The following SEC16B variants were observed in gnomAD, a reference collection of about 807,000 sequenced individuals.
The protein encoded by SEC16B is SEC16 homolog B, endoplasmic reticulum export factor, also known as protein transport protein Sec16B.
SEC16B carries 115 observed loss-of-function variants against 141.8 expected under a neutral mutation model. The ratio of observed to expected loss-of-function variants is 0.81; its 90% CI spans 0.70 to 0.95. The LOEUF (loss-of-function observed/expected upper bound fraction) is 0.95, where lower values mean the gene tolerates loss of function less well. SEC16B is among the 40% of genes least tolerant of loss of function. The pLI, the probability that SEC16B is intolerant of heterozygous loss-of-function variation, is 0.00. For synonymous variants in SEC16B, 493 were observed against 492.5 expected (o/e 1.00, Z -0.01); for missense variants, 1,291 against 1,312.3 (o/e 0.98, Z 0.25).
intron 20 of SEC16B, among the ~76,000 whole-genome samples, chr1:177,935,271 C>A (rs1020692956): frequency 1.4e-5 from 2 of 147,320 alleles, no homozygotes; most frequent in East Asian, 3.9e-4. Context: ...GTGCTGATGC[C>A]TCCCCAGCCC....
Position 177,932,494 on chromosome 1 carries a change from G to A in SEC16B, c.3008C>T (p.Pro1003Leu), listed in dbSNP as rs78192809. 6,586 of 1,542,582 alleles carry A rather than the reference G, an allele frequency of 4.3e-3. 20 individuals carry two copies. The highest frequency in any genetic ancestry group is 5.4e-3 in the Non-Finnish European group (6,146 of 1,143,056). Residue 1003 changes from proline (P) to leucine (L), a missense_variant, in exon 24 of 26, where the codon CCA becomes CTA. By Grantham distance (98) the Pro-to-Leu change is moderately conservative. Coordinates refer to ENST00000308284, the MANE Select transcript of SEC16B (RefSeq NM_033127.4). ...CAGCCCAGGGGGGCCGCTTACCTCT[G>A]GTCCAGACAAGCCTCCAACCCCAGC... ...AGAGVGGLSG[P>L]ESVSFELCSN...
At chr1:177,944,511 C>T in intron 15 of SEC16B, 50 bp downstream of exon 15, 1 of 1,441,608 alleles carries the variant, frequency 6.9e-7, no homozygotes, top group Non-Finnish European at 9.7e-7. Flanking sequence ...AATACAGCTG[C>T]CTGCAGCTGC....
In SEC16B at chr1:177,933,580, C is replaced by T. The variant is rs891949546; in HGVS notation, c.2628G>A (p.Lys876=). ...SISESSASSA[K]EDEKESSDEA... ...CATCAGAGGACTCCTTCTCATCCTC[C>T]TTGGCTGAACTGGCGGAACTCTCAG... The change falls in exon 21 of 26, where the codon AAG becomes AAA. Residue 876 remains lysine (K), a synonymous_variant. Transcript: ENST00000308284. The T allele has an allele frequency of 1.9e-6, 3 of 1,613,886 alleles. No individual in the cohort carries two copies. In the African/African-American group the frequency reaches 4.0e-5, roughly 22 times the overall value.
chr1:177,958,166 T>C lies in SEC16B; in HGVS notation c.1331A>G (p.Lys444Arg), dbSNP rs750903507. 5 of 1,554,796 alleles carry C rather than the reference T, an allele frequency of 3.2e-6. No homozygotes were observed. The South Asian group carries it at 5.0e-5, about 16-fold the overall frequency. Reference protein sequence around the residue: ...SVETPAQIVEKFTRLLYYGRK... With the variant: ...SVETPAQIVERFTRLLYYGRK... ...TCCATAGTAGAGCAGCCTAGTGAAT[T>C]TCTCCACGATCTGCGCAGGTGTCTC... Residue 444 changes from lysine (K) to arginine (R), a missense_variant, in exon 10 of 26, where the codon AAA (lysine) becomes AGA (arginine). Transcript: ENST00000308284.
At chr1:177,939,640 G>A (rs1651125418) in intron 18 of SEC16B, 62 bp downstream of exon 18, 1 of 1,343,104 alleles carries the variant, frequency 7.4e-7, no homozygotes, top group African/African-American at 1.4e-5. Flanking sequence ...AAATTACTTT[G>A]TCTCGTAGAA....
chr1:177,946,484 G>T lies in SEC16B; in HGVS notation c.1711C>A (p.His571Asn). The change falls in exon 14 of 26, where the codon CAC becomes AAC. Residue 571 changes from histidine (H) to asparagine (N), a missense_variant. Physicochemically the swap from His to Asn is moderately conservative, Grantham distance 68 (BLOSUM62 1). Coordinates refer to ENST00000308284, the MANE Select transcript of SEC16B (RefSeq NM_033127.4). The part of the protein sequence containing the change: ...EAAHFCYLMA[H>N]VPFGHYTVKT... Reference sequence around the variant, plus strand: ...ACGGTGTAGTGGCCAAAGGGCACGTGAGCCATGAGATAGCAGAAGTGAGCT... The same window carrying T: ...ACGGTGTAGTGGCCAAAGGGCACGTTAGCCATGAGATAGCAGAAGTGAGCT... 6.3e-7 allele frequency: 1 copy of T among 1,585,344 alleles called. No individual in the cohort carries two copies. Among genetic ancestry groups the T allele is most frequent in the East Asian group, 2.3e-5 (1 of 43,212 alleles).
At chr1:177,980,897 G>C (rs1654382749) in intron 1 of SEC16B, among the ~76,000 whole-genome samples, 1 of 152,094 alleles carries the variant, frequency 6.6e-6, no homozygotes, top group South Asian at 2.1e-4. Context: ...GAACAGACAT[G>C]ATGAGGGCTA....
intron 1 of SEC16B, among the ~76,000 whole-genome samples, chr1:177,977,964 A>C (rs1457317030): frequency 6.6e-6 from 1 of 152,216 alleles, no homozygotes; most frequent in Non-Finnish European, 1.5e-5. Flanking sequence ...CACCATAGAA[A>C]GTGCCTATTA....
rs761179675 is a variant in SEC16B, at chr1:177,958,225, C to T, written c.1272G>A (p.Pro424=). ...GGGGGATCTCTCCCGTGAGCAGGTT[C>T]GGGGTCCCAGAGCTCAGCACTGGCC... The part of the protein sequence containing the change: ...EDWPVLSSGT[P]NLLTGEIPPS... The change falls in exon 10 of 26, where the codon CCG becomes CCA. Residue 424 remains proline (P), a synonymous_variant. Coordinates refer to ENST00000308284, the MANE Select transcript of SEC16B (RefSeq NM_033127.4). 6.2e-6 allele frequency: 10 copies of T among 1,604,122 alleles called. No individual in the cohort carries two copies. Among genetic ancestry groups the T allele is most frequent in the Admixed American group, 5.1e-5 (3 of 59,182 alleles).
upstream of SEC16B, among the ~76,000 whole-genome samples, chr1:177,974,724 G>A (rs546026461): frequency 1.3e-5 from 2 of 152,290 alleles, no homozygotes; most frequent in East Asian, 3.9e-4. Context: ...ACTCTTTCCA[G>A]AACCCTAGAT....
intron 12 of SEC16B, among the ~76,000 whole-genome samples, chr1:177,951,066 G>GA (rs1652158909): frequency 6.7e-6 from 1 of 149,852 alleles, no homozygotes; most frequent in Admixed American, 6.7e-5. Flanking sequence ...GGCAAGAGAG[G>GA]AAAAAAGAGA....
At chr1:177,955,401 G>A (rs1435569234) in intron 10 of SEC16B, among the ~76,000 whole-genome samples, 1 of 152,138 alleles carries the variant, frequency 6.6e-6, no homozygotes, top group East Asian at 1.9e-4. Context: ...AGGTTGGAGT[G>A]CAGTGGCATG....
chr1:177,974,209 G>A (rs549882368), upstream of SEC16B, among the ~76,000 whole-genome samples: 1 of 152,208 alleles, frequency 6.6e-6, no homozygotes, highest in Admixed American at 6.5e-5. Context: ...CATGCTGAAT[G>A]TGAGGGGCCT....
chr1:177,977,847 C>T (rs1369491043), intron 1 of SEC16B, among the ~76,000 whole-genome samples: 3 of 152,042 alleles, frequency 2.0e-5, no homozygotes, highest in Non-Finnish European at 4.4e-5. Context: ...GGAAAAATCG[C>T]CTAATCTCTA....
intron 8 of SEC16B, 85 bp from the exon 9 acceptor site, chr1:177,959,060 G>T: frequency 7.1e-7 from 1 of 1,416,260 alleles, no homozygotes; most frequent in Non-Finnish European, 9.7e-7. Context: ...AAGTGTGCAA[G>T]TGCTGGCTGG....
chr1:177,940,681 C>A lies in SEC16B; in HGVS notation c.2056G>T (p.Val686Phe). The A allele has an allele frequency of 6.2e-7, 1 of 1,613,824 alleles. No individual in the cohort carries two copies. The highest frequency in any genetic ancestry group is 8.5e-7 in the Non-Finnish European group (1 of 1,179,828). Reference sequence around the variant, plus strand: ...CTGTCTCCACTGCGTCTTTCTAAAACCAGAGGATCTGACAGCTTCAGTTTC... The same window carrying A: ...CTGTCTCCACTGCGTCTTTCTAAAAACAGAGGATCTGACAGCTTCAGTTTC... ...AEKLKLSDPLVLERRSGDRDL... is the reference protein window; with the variant it reads ...AEKLKLSDPLFLERRSGDRDL... The change falls in exon 17 of 26, where the codon GTT (valine) becomes TTT (phenylalanine). Residue 686 changes from valine to phenylalanine, a missense_variant. Physicochemically the swap from Val to Phe is conservative, Grantham distance 50 (BLOSUM62 -1). Coordinates refer to ENST00000308284, the MANE Select transcript of SEC16B (RefSeq NM_033127.4).
At chr1:177,942,370 C>A (rs1651345928) in intron 15 of SEC16B, among the ~76,000 whole-genome samples, 1 of 152,192 alleles carries the variant, frequency 6.6e-6, no homozygotes, top group African/African-American at 2.4e-5. Context: ...TAGCACCAGG[C>A]ACAAGACGGA....
chr1:177,931,303 T>C (rs1650395267), intron 24 of SEC16B, among the ~76,000 whole-genome samples: 1 of 152,240 alleles, frequency 6.6e-6, no homozygotes, highest in African/African-American at 2.4e-5. Flanking sequence ...TCCATTATTC[T>C]AAGTGAAGTA....
At chr1:177,934,003 A>G (rs1650654892) in intron 20 of SEC16B, among the ~76,000 whole-genome samples, 2 of 152,104 alleles carry the variant, frequency 1.3e-5, no homozygotes, top group South Asian at 2.1e-4. Flanking sequence ...CCCAAAAAAA[A>G]AAAAACAGAG....
Sources: allele counts gnomAD v4.1 joint callset (sites outside exome capture counted in the v4.1 genomes callset), GRCh38; gene constraint gnomAD v4.1.1; transcripts MANE v1.5; gene names NCBI Gene and HGNC (gene_info 2026-07-23, HGNC 2026-07-21).